PTPRR: variants seen among roughly 807,000 people sequenced by gnomAD.
PTPRR encodes receptor-type tyrosine-protein phosphatase R.
In PTPRR, 38 loss-of-function variants were observed where a neutral mutation model predicts 77.2. The observed-to-expected ratio is 0.49, with a 90% CI of 0.38 to 0.65. The LOEUF is 0.65. Among genes scored for constraint, PTPRR ranks in the 30% least tolerant of loss-of-function variants. The probability of loss-of-function intolerance (pLI) is 0.00; values close to 1 mark genes in which losing one functional copy is unlikely to be tolerated. For synonymous variants in PTPRR, 299 were observed against 283.1 expected, an observed-to-expected ratio of 1.06 and a Z score of -0.57; for missense variants, 744 against 799.2, an observed-to-expected ratio of 0.93 and a Z score of 0.83.
At chr12:70,851,245 G>C (rs1361085984) in intron 2 of PTPRR, among the ~76,000 whole-genome samples, 2 of 152,104 alleles carry the variant, frequency 1.3e-5, no homozygotes, top group Non-Finnish European at 2.9e-5. Flanking sequence ...CATTTATCCT[G>C]ACTCTAATAA....
chr12:70,788,932 C>T (rs925504743), intron 2 of PTPRR: 2 of 1,439,048 alleles, frequency 1.4e-6, no homozygotes, highest in African/African-American at 2.9e-5. Flanking sequence ...AGCTTGTGTG[C>T]TGAGATGAAG....
At chr12:70,658,725 T>A (rs1886672738) in intron 12 of PTPRR, among the ~76,000 whole-genome samples, 1 of 151,632 alleles carries the variant, frequency 6.6e-6, no homozygotes, top group Non-Finnish European at 1.5e-5. Context: ...TACATCCTTT[T>A]TTTTTTTTTT....
At chr12:70,689,737 G>T (rs1887992418) in intron 8 of PTPRR, among the ~76,000 whole-genome samples, 1 of 152,116 alleles carries the variant, frequency 6.6e-6, no homozygotes, top group Non-Finnish European at 1.5e-5. Flanking sequence ...CGCCCTAAAA[G>T]CTTCTTGCCA....
intron 2 of PTPRR, among the ~76,000 whole-genome samples, chr12:70,822,837 A>T (rs1473707426): frequency 6.6e-6 from 1 of 152,114 alleles, no homozygotes; most frequent in Non-Finnish European, 1.5e-5. Flanking sequence ...ATGTCCTCTC[A>T]TCTCTTAATT....
chr12:70,767,554 A>G (rs991494604), intron 2 of PTPRR, among the ~76,000 whole-genome samples: 3 of 152,132 alleles, frequency 2.0e-5, no homozygotes, highest in Non-Finnish European at 4.4e-5. Context: ...AGACTCCTAC[A>G]CAATAATAAT....
chr12:70,785,991 C>T (rs1379832780), intron 2 of PTPRR, among the ~76,000 whole-genome samples: 1 of 152,126 alleles, frequency 6.6e-6, no homozygotes, highest in African/African-American at 2.4e-5. Context: ...TCAGCCTCCC[C>T]TCCCCTTCCT....
intron 8 of PTPRR, among the ~76,000 whole-genome samples, chr12:70,686,873 G>A (rs1887889867): frequency 1.3e-5 from 2 of 152,148 alleles, no homozygotes; most frequent in African/African-American, 4.8e-5. Context: ...CACAGAAATT[G>A]TGAGATATAA....
chr12:70,782,660 G>C (rs1891228434), intron 2 of PTPRR, among the ~76,000 whole-genome samples: 1 of 152,054 alleles, frequency 6.6e-6, no homozygotes, highest in South Asian at 2.1e-4. Context: ...GACACAGGAA[G>C]GGAAACATCA....
intron 13 of PTPRR, among the ~76,000 whole-genome samples, chr12:70,650,455 AT>A: frequency 1.1e-5 from 1 of 90,498 alleles, no homozygotes; most frequent in Middle Eastern, 5.1e-3. Context: ...AAAACAAAAT[AT>A]ATATATATAT....
At chr12:70,830,659 C>T (rs554281590) in intron 2 of PTPRR, among the ~76,000 whole-genome samples, 1 of 152,308 alleles carries the variant, frequency 6.6e-6, no homozygotes, top group South Asian at 2.1e-4. Flanking sequence ...ATTGCCAAAC[C>T]AGCACCTCTG....
intron 2 of PTPRR, among the ~76,000 whole-genome samples, chr12:70,885,037 T>C (rs930932061): frequency 3.3e-5 from 5 of 152,074 alleles, no homozygotes; most frequent in Non-Finnish European, 7.4e-5. Flanking sequence ...TTTAAATATT[T>C]CACTTTACTT....
At chr12:70,747,363 C>A (rs1890245324) in intron 5 of PTPRR, among the ~76,000 whole-genome samples, 1 of 152,098 alleles carries the variant, frequency 6.6e-6, no homozygotes, top group Non-Finnish European at 1.5e-5. Context: ...AATGAAGAAA[C>A]AAATATATCT....
intron 2 of PTPRR, among the ~76,000 whole-genome samples, chr12:70,830,745 T>A (rs1317435280): frequency 6.6e-6 from 1 of 152,214 alleles, no homozygotes; most frequent in African/African-American, 2.4e-5. Flanking sequence ...GGCAGGGATA[T>A]GATCTCTTTG....
intron 8 of PTPRR, among the ~76,000 whole-genome samples, chr12:70,690,638 C>T (rs1888023757): frequency 6.6e-6 from 1 of 152,138 alleles, no homozygotes; most frequent in African/African-American, 2.4e-5. Context: ...ATGGCCTGGA[C>T]AGAAGTCTTT....
chr12:70,886,934 G>A (rs557306641), intron 2 of PTPRR, among the ~76,000 whole-genome samples: 3 of 152,252 alleles, frequency 2.0e-5, no homozygotes, highest in East Asian at 3.9e-4. Context: ...AAAGATATTA[G>A]CTAGAAGTGC....
intron 10 of PTPRR, chr12:70,671,934 G>C: frequency 1.0e-6 from 1 of 991,806 alleles, no homozygotes; most frequent in Non-Finnish European, 1.6e-6. Flanking sequence ...GTCTCTGGTA[G>C]AAGAAGGTTG....
rs1012593636 is a variant in PTPRR at position 70,840,211 on chromosome 12, T to C, written c.357+52468A>G. Reference sequence around the variant, plus strand: ...TGGAGGGGGAATCTAGTGTTTTTTTTCCTCATTCCAGCTTCTACAGGTTAT... The same window carrying C: ...TGGAGGGGGAATCTAGTGTTTTTTTCCCTCATTCCAGCTTCTACAGGTTAT... On this transcript the variant is annotated intron_variant, in intron 2 of 13. Coordinates refer to ENST00000283228, the MANE Select transcript of PTPRR (RefSeq NM_002849.4). Among the ~76,000 whole-genome samples, 9 of 152,162 alleles carry C rather than the reference T, an allele frequency of 5.9e-5. No homozygotes were observed. The East Asian group carries it at 7.7e-4, about 13-fold the overall frequency.
Position 70,893,014 on chromosome 12 carries a change from C to G in PTPRR, c.59-37G>C, listed in dbSNP as rs771383791. The G allele has an allele frequency of 4.4e-6, 7 of 1,590,614 alleles. No homozygotes were observed. In the East Asian group the frequency reaches 1.6e-4, roughly 36 times the overall value. On this transcript the variant is annotated intron_variant, in intron 1 of 13. Coordinates refer to ENST00000283228, the MANE Select transcript of PTPRR (RefSeq NM_002849.4). The stretch of plus-strand genomic sequence containing the variant: ...AAGAAGCAGAAACAATATCAAAGAC[C>G]CTATTCAGTAAGAGAGGTAGATATA...
chr12:70,803,708 A>C lies in PTPRR; in HGVS notation c.358-38930T>G, dbSNP rs190528736. 2.1e-4 allele frequency among the ~76,000 whole-genome samples: 32 copies of C among 152,290 alleles called. 1 individual carries two copies. Among genetic ancestry groups the C allele is most frequent in the Admixed American group, 2.0e-3 (30 of 15,300 alleles). On this transcript the variant is annotated intron_variant, in intron 2 of 13. Transcript: ENST00000283228. Reference sequence around the variant, plus strand: ...TAATGCCTGAGGAAAGAGATTCTCTACCATTCTTTACTACCTATCAGAAGG... The same window carrying C: ...TAATGCCTGAGGAAAGAGATTCTCTCCCATTCTTTACTACCTATCAGAAGG...
Sources: gnomAD v4.1 joint callset for allele counts (sites outside exome capture counted in the v4.1 genomes callset) on GRCh38, gnomAD v4.1.1 for gene constraint, MANE v1.5 for transcripts, NCBI Gene and HGNC (gene_info 2026-07-23, HGNC 2026-07-21) for gene names.